Variants in PALMD observed in about 807,000 individuals in gnomAD.
The protein encoded by PALMD is palmdelphin.
PALMD carries 42 observed loss-of-function variants against 56.2 expected under a neutral mutation model. The ratio of observed to expected loss-of-function variants is 0.75; its 90% CI spans 0.58 to 0.97. PALMD has a LOEUF of 0.97. PALMD is among the 50% of genes least tolerant of loss of function. The pLI, the probability that PALMD is intolerant of heterozygous loss-of-function variation, is 0.00. For missense variants in PALMD, 660 were observed against 643.8 expected (o/e 1.03, Z -0.27); for synonymous variants, 242 against 222.9 (o/e 1.09, Z -0.76).
Position 99,683,090 on chromosome 1 carries a change from GAAAGAA to G in PALMD, c.252-3584_252-3579del, listed in dbSNP as rs1390900878. On this transcript the variant is annotated intron_variant, in intron 3 of 7. Transcript: ENST00000263174. ...AGAGAGAGAGAGAGAGAGAGAGAGA[GAAAGAA>G]AGAAAGAAAGAAAGAAAGAAAGAAA... 2.5e-3 allele frequency among the ~76,000 whole-genome samples: 82 copies of G among 32,366 alleles called. 1 individual carries two copies. Among genetic ancestry groups the G allele is most frequent in the East Asian group, 7.2e-3 (9 of 1,252 alleles). 21.2% of individuals were successfully genotyped at this position (32,366 alleles called of 152,430 possible). A position where few individuals can be genotyped will look rare whatever the true frequency, so the allele number is the denominator to read the frequency against.
chr1:99,671,081 T>C (rs1431565146), intron 3 of PALMD, among the ~76,000 whole-genome samples: 1 of 152,166 alleles, frequency 6.6e-6, no homozygotes, highest in African/African-American at 2.4e-5. Flanking sequence ...TCACAATCCC[T>C]AAGCAGGGAA....
rs1653591235 is a variant in PALMD at position 99,688,968 on chromosome 1, A to C, written c.708A>C (p.Pro236=). The C allele has an allele frequency of 6.2e-7, 1 of 1,613,760 alleles. No individual in the cohort carries two copies. The highest frequency in any genetic ancestry group is 2.2e-5 in the East Asian group (1 of 44,874). ...AAYNGTDGLA[P]VEVEELLRQA... is the part of the protein sequence containing the mutation. ...ACAATGGCACCGATGGCCTGGCACCAGTTGAAGTAGAGGAACTTCTAAGAC... is the reference window on the plus strand; with the variant it reads ...ACAATGGCACCGATGGCCTGGCACCCGTTGAAGTAGAGGAACTTCTAAGAC... Residue 236 remains proline, a synonymous_variant, in exon 7 of 8, where the codon CCA becomes CCC. Transcript: ENST00000263174.
Position 99,687,165 on chromosome 1 carries a change from G to A in PALMD, c.490G>A (p.Glu164Lys), listed in dbSNP as rs1287149867. The A allele has an allele frequency of 1.0e-5, 16 of 1,603,030 alleles. No homozygotes were observed. The highest frequency in any genetic ancestry group is 2.7e-5 in the African/African-American group (2 of 74,588). ...RLRKEINEEKEDDEQNRKALY... is the reference protein window; with the variant it reads ...RLRKEINEEKKDDEQNRKALY... ...AAGGAAGGAGATAAATGAAGAAAAA[G>A]AAGATGATGAACAAAATAGGAAAGG... is the stretch of plus-strand genomic sequence containing the variant. Residue 164 changes from glutamate (E) to lysine (K), a missense_variant, in exon 6 of 8, where the codon GAA becomes AAA. Coordinates refer to ENST00000263174, the MANE Select transcript of PALMD (RefSeq NM_017734.5).
At chr1:99,663,295 G>A (rs1652888946) in intron 2 of PALMD, among the ~76,000 whole-genome samples, 2 of 152,066 alleles carry the variant, frequency 1.3e-5, no homozygotes, top group Admixed American at 6.6e-5. Flanking sequence ...TTCTAAACAA[G>A]TTGACATTTC....
At chr1:99,653,537 C>A (rs1231211704) in intron 1 of PALMD, among the ~76,000 whole-genome samples, 1 of 152,086 alleles carries the variant, frequency 6.6e-6, no homozygotes, top group East Asian at 1.9e-4. Flanking sequence ...TTTAATTCAC[C>A]CCATAAATAG....
chr1:99,658,693 T>A (rs188495289), intron 1 of PALMD, among the ~76,000 whole-genome samples: 21 of 151,554 alleles, frequency 1.4e-4, no homozygotes, highest in Non-Finnish European at 2.7e-4. Flanking sequence ...ATGGCGTGAA[T>A]CTGGGAGGCG....
intron 1 of PALMD, among the ~76,000 whole-genome samples, chr1:99,650,216 C>T (rs1476403604): frequency 1.4e-5 from 2 of 141,070 alleles, no homozygotes; most frequent in Non-Finnish European, 3.0e-5. Flanking sequence ...TGGAAAGGAG[C>T]CATATAAAGT....
chr1:99,669,629 T>C (rs990898768), intron 3 of PALMD: 1 of 152,280 alleles, frequency 6.6e-6, no homozygotes, highest in Non-Finnish European at 1.5e-5. Flanking sequence ...CTGATGATAA[T>C]TGAAGTGGCT....
Position 99,661,989 on chromosome 1 carries a change from C to A in PALMD, c.46-330C>A, listed in dbSNP as rs532941428. 2.6e-5 allele frequency among the ~76,000 whole-genome samples: 4 copies of A among 152,302 alleles called. No homozygotes were observed. In the South Asian group the frequency reaches 8.3e-4, roughly 32 times the overall value. On this transcript the variant is annotated intron_variant, in intron 1 of 7. Transcript: ENST00000263174. ...TCACGATGTTTCCTCACACCTATTTCACAACTTGTCTCTTTACAATTCACT... is the reference window on the plus strand; with the variant it reads ...TCACGATGTTTCCTCACACCTATTTAACAACTTGTCTCTTTACAATTCACT...
chr1:99,657,240 T>C lies in PALMD; in HGVS notation c.46-5079T>C, dbSNP rs548101095. On this transcript the variant is annotated intron_variant, in intron 1 of 7. Coordinates refer to ENST00000263174, the MANE Select transcript of PALMD (RefSeq NM_017734.5). ...ACTGCCTAGCAGATAATTCTACCTA[T>C]TTGGCCCAAGGACATCTCAAACTTG... Among the ~76,000 whole-genome samples, 150 of 152,334 alleles carry C rather than the reference T, an allele frequency of 9.8e-4. 1 individual carries two copies. The South Asian group carries it at 0.014, about 14-fold the overall frequency.
chr1:99,663,736 G>A (rs569207707), intron 2 of PALMD, among the ~76,000 whole-genome samples: 77 of 152,218 alleles, frequency 5.1e-4, no homozygotes, highest in African/African-American at 1.5e-3. Context: ...ACAAAACAGT[G>A]GAGCTCACAG....
chr1:99,676,617 C>G (rs973168868), intron 3 of PALMD, among the ~76,000 whole-genome samples: 1 of 152,024 alleles, frequency 6.6e-6, no homozygotes, highest in African/African-American at 2.4e-5. Context: ...TACTTCATAC[C>G]CACTTATACG....
At position 99,667,084 on chromosome 1, in the gene PALMD, T is replaced by C. The variant is rs1288548699; in HGVS notation, c.127-558T>C. On this transcript the variant is annotated intron_variant, in intron 2 of 7. Coordinates refer to ENST00000263174, the MANE Select transcript of PALMD (RefSeq NM_017734.5). Reference sequence around the variant, plus strand: ...AAACAGCTGCCACACAGCCTAAGAATAACACTGAATATGTTTAAGTTACAA... The same window carrying C: ...AAACAGCTGCCACACAGCCTAAGAACAACACTGAATATGTTTAAGTTACAA... 2.6e-5 allele frequency among the ~76,000 whole-genome samples: 4 copies of C among 152,298 alleles called. No individual in the cohort carries two copies. The East Asian group carries it at 7.7e-4, about 29-fold the overall frequency.
At chr1:99,682,141 C>T (rs1653360252) in intron 3 of PALMD, among the ~76,000 whole-genome samples, 1 of 152,160 alleles carries the variant, frequency 6.6e-6, no homozygotes, top group African/African-American at 2.4e-5. Context: ...AGCAGCAAAT[C>T]TCTAACATTC....
At chr1:99,670,207 C>T (rs1391770277) in intron 3 of PALMD, among the ~76,000 whole-genome samples, 1 of 152,120 alleles carries the variant, frequency 6.6e-6, no homozygotes, top group African/African-American at 2.4e-5. Context: ...TGTTCATTAC[C>T]CAATTTCTCG....
intron 7 of PALMD, among the ~76,000 whole-genome samples, chr1:99,693,740 T>G (rs1653715173): frequency 6.6e-6 from 1 of 152,186 alleles, no homozygotes; most frequent in African/African-American, 2.4e-5. Context: ...AGGGAAACTG[T>G]GCATTAATCC....
chr1:99,687,400 A>G (rs1282815592), intron 6 of PALMD, among the ~76,000 whole-genome samples: 1 of 152,204 alleles, frequency 6.6e-6, no homozygotes, highest in Admixed American at 6.6e-5. Flanking sequence ...CTAACAAACC[A>G]GACAGGGATA....
chr1:99,686,917 T>C lies in PALMD; in HGVS notation c.367-13T>C, dbSNP rs772649351. 2 of 1,554,046 alleles carry C rather than the reference T, an allele frequency of 1.3e-6. No homozygotes were observed. The highest frequency in any genetic ancestry group is 3.5e-5 in the Admixed American group (2 of 57,392). ...AAACTGTATTAATCATGGAGAATTC[T>C]TTTTTCTTACAGTCTGTGAAAGTGG... On this transcript the variant is annotated splice_polypyrimidine_tract_variant and intron_variant, in intron 4 of 7. Transcript: ENST00000263174.
chr1:99,667,054 A>G (rs1347338402), intron 2 of PALMD, among the ~76,000 whole-genome samples: 2 of 152,228 alleles, frequency 1.3e-5, no homozygotes, highest in Admixed American at 6.5e-5. Flanking sequence ...AGTAGGCAAA[A>G]CAATAAACAG....
Sources: allele counts gnomAD v4.1 joint callset (sites outside exome capture counted in the v4.1 genomes callset), GRCh38; gene constraint gnomAD v4.1.1; transcripts MANE v1.5; gene names NCBI Gene and HGNC (gene_info 2026-07-23, HGNC 2026-07-21).